The following MED8 variants were observed in gnomAD, a reference collection of about 807,000 sequenced individuals.
MED8 encodes mediator of RNA polymerase II transcription subunit 8.
MED8 carries 22 observed loss-of-function variants against 34.8 expected under a neutral mutation model. The observed-to-expected ratio is 0.63, with a 90% CI of 0.45 to 0.90. The LOEUF (loss-of-function observed/expected upper bound fraction) is 0.90, where lower values mean the gene tolerates loss of function less well. MED8 is among the 40% of genes least tolerant of loss of function. MED8 has a pLI of 0.00. For missense variants in MED8, 260 were observed against 326.3 expected, an observed-to-expected ratio of 0.80 and a Z score of 1.57; for synonymous variants, 105 against 120.2, an observed-to-expected ratio of 0.87 and a Z score of 0.83.
rs1337706318 is a variant in MED8, at chr1:43,386,271, G to A, written c.494-45C>T. The A allele has an allele frequency of 3.1e-6, 5 of 1,589,442 alleles. No individual in the cohort carries two copies. The highest frequency in any genetic ancestry group is 1.3e-5 in the African/African-American group (1 of 74,602). On this transcript the variant is annotated intron_variant, in intron 5 of 6. Transcript: ENST00000372457. The surrounding 1 kb of genome is among the most constrained non-coding windows in gnomAD (Gnocchi z 4.9). Reference sequence around the variant, plus strand: ...GATCCTGAAGTATGCTTCTGATGCAGGACTGAACGTGGCAGCTGGAAGACC... The same window carrying A: ...GATCCTGAAGTATGCTTCTGATGCAAGACTGAACGTGGCAGCTGGAAGACC...
At position 43,384,442 on chromosome 1, in the gene MED8, C is replaced by T. The variant is rs1392553968; in HGVS notation, c.*600G>A. On this transcript the variant is annotated 3_prime_UTR_variant, in exon 7 of 7. Coordinates refer to ENST00000372457, the MANE Select transcript of MED8 (RefSeq NM_201542.5). ...CTTAGAGGATGGAAAGGAGAGCAGG[C>T]CCAAGCTTCACCAGAGCTGCAGGTG... 3 of 1,589,586 alleles carry T rather than the reference C, an allele frequency of 1.9e-6. No individual in the cohort carries two copies. Among genetic ancestry groups the T allele is most frequent in the Non-Finnish European group, 2.6e-6 (3 of 1,168,082 alleles).
In MED8 at chr1:43,387,559, G is replaced by A. The variant is rs200153992; in HGVS notation, c.214C>T (p.Arg72Cys). The change falls in exon 3 of 7, where the codon CGT (arginine) becomes TGT (cysteine). Residue 72 changes from arginine to cysteine, a missense_variant. Physicochemically the swap from Arg to Cys is radical, Grantham distance 180 (BLOSUM62 -3). Coordinates refer to ENST00000372457, the MANE Select transcript of MED8 (RefSeq NM_201542.5). The stretch of plus-strand genomic sequence containing the variant: ...ACCAGAGGAATGATGACCTGGTTAC[G>A]GAACAGCGGTGTTTTTTCATGCTTC... ...VLKHEKTPLF[R>C]NQVIIPLVLS... 77 of 1,614,004 alleles carry A rather than the reference G, an allele frequency of 4.8e-5. 1 individual carries two copies. Among genetic ancestry groups the A allele is most frequent in the African/African-American group, 2.9e-4 (22 of 75,036 alleles).
In MED8 at chr1:43,384,449, T is replaced by C. The variant is rs1472405875; in HGVS notation, c.*593A>G. ...GATGGAAAGGAGAGCAGGCCCAAGC[T>C]TCACCAGAGCTGCAGGTGGGCATTT... On this transcript the variant is annotated 3_prime_UTR_variant, in exon 7 of 7. Transcript: ENST00000372457. The C allele has an allele frequency of 6.3e-7, 1 of 1,597,028 alleles. No individual in the cohort carries two copies. The highest frequency in any genetic ancestry group is 8.5e-7 in the Non-Finnish European group (1 of 1,171,776).
In MED8 at chr1:43,388,312, G is replaced by A; in HGVS notation, c.123C>T (p.Thr41=). The A allele has an allele frequency of 6.2e-7, 1 of 1,613,036 alleles. No individual in the cohort carries two copies. Among genetic ancestry groups the A allele is most frequent in the Non-Finnish European group, 8.5e-7 (1 of 1,179,874 alleles). ...TAGCTTGCCCTGGTAACTCTTACCA[G>A]GTCAGCCGGCCATACTCGTTCTCCA... ...CKLENEYGRL[T]WPSVLDSFAL... is the part of the protein sequence containing the mutation. The change falls in exon 2 of 7, where the codon ACC becomes ACT. Residue 41 remains threonine, a splice_region_variant and synonymous_variant. Transcript: ENST00000372457.
Position 43,384,699 on chromosome 1 carries a change from C to G in MED8, c.*343G>C. The stretch of plus-strand genomic sequence containing the variant: ...ATTAGGGTAAGTTCTGGATCAAGGA[C>G]TGTGGAGGGTGGTGGGGAGAAGGAT... On this transcript the variant is annotated 3_prime_UTR_variant, in exon 7 of 7. Coordinates refer to ENST00000372457, the MANE Select transcript of MED8 (RefSeq NM_201542.5). 1 of 1,449,174 alleles carries G rather than the reference C, an allele frequency of 6.9e-7. No individual in the cohort carries two copies. Among genetic ancestry groups the G allele is most frequent in the Non-Finnish European group, 9.1e-7 (1 of 1,102,612 alleles). The allele number at this position is 1,449,174 out of a possible 1,614,324, so 89.8% of individuals were successfully genotyped here.
intron 3 of MED8, 25 bp downstream of exon 3, chr1:43,387,478 A>G: frequency 6.2e-7 from 1 of 1,611,278 alleles, no homozygotes. Context: ...TAATTTCCCA[A>G]GTTGTATTCT....
At chr1:43,385,833 T>C in intron 6 of MED8, 145 bp downstream of exon 6, 1 of 1,314,680 alleles carries the variant, frequency 7.6e-7, no homozygotes, top group Non-Finnish European at 1.0e-6. Context: ...ATTTTTTTAC[T>C]TCTGAAAATT....
In MED8 at chr1:43,384,710, G is replaced by A; in HGVS notation, c.*332C>T. Reference sequence around the variant, plus strand: ...TTCTGGATCAAGGACTGTGGAGGGTGGTGGGGAGAAGGATCTGTAGAAACT... The same window carrying A: ...TTCTGGATCAAGGACTGTGGAGGGTAGTGGGGAGAAGGATCTGTAGAAACT... On this transcript the variant is annotated 3_prime_UTR_variant, in exon 7 of 7. Transcript: ENST00000372457. 1.4e-6 allele frequency: 2 copies of A among 1,442,624 alleles called. No homozygotes were observed. The highest frequency in any genetic ancestry group is 1.8e-6 in the Non-Finnish European group (2 of 1,100,046). 89.4% of individuals were successfully genotyped at this position (1,442,624 alleles called of 1,614,324 possible).
Position 43,389,799 on chromosome 1 carries a change from C to T in MED8, c.-35G>A. The T allele has an allele frequency of 6.2e-7, 1 of 1,610,102 alleles. No individual in the cohort carries two copies. Among genetic ancestry groups the T allele is most frequent in the Non-Finnish European group, 8.5e-7 (1 of 1,178,242 alleles). On this transcript the variant is annotated 5_prime_UTR_variant, in exon 1 of 7. Coordinates refer to ENST00000372457, the MANE Select transcript of MED8 (RefSeq NM_201542.5). ...CGAGGCGGCTGCCACGATTTCACTT[C>T]CGGTTTTCCAGTCAGCAAACGCCTA...
At position 43,386,475 on chromosome 1, in the gene MED8, A is replaced by T; in HGVS notation, c.493+114T>A. On this transcript the variant is annotated intron_variant, in intron 5 of 6. Coordinates refer to ENST00000372457, the MANE Select transcript of MED8 (RefSeq NM_201542.5). The surrounding 1 kb of genome is among the most constrained non-coding windows in gnomAD (Gnocchi z 4.9). ...CAAAAGGCTAACAGAATGGATACAAACCCCAAAGCAGTTCACCCTTGTGTC... is the reference window on the plus strand; with the variant it reads ...CAAAAGGCTAACAGAATGGATACAATCCCCAAAGCAGTTCACCCTTGTGTC... 2.4e-6 allele frequency: 3 copies of T among 1,234,074 alleles called. No individual in the cohort carries two copies. Among genetic ancestry groups the T allele is most frequent in the Non-Finnish European group, 3.4e-6 (3 of 875,298 alleles). The allele number at this position is 1,234,074 out of a possible 1,614,324, so 76.4% of individuals were successfully genotyped here. A position where few individuals can be genotyped will look rare whatever the true frequency, so the allele number is the denominator to read the frequency against.
At position 43,388,329 on chromosome 1, in the gene MED8, C is replaced by A; in HGVS notation, c.106G>T (p.Glu36Ter). The A allele has an allele frequency of 6.2e-7, 1 of 1,613,468 alleles. No homozygotes were observed. The highest frequency in any genetic ancestry group is 1.1e-5 in the South Asian group (1 of 91,082). Residue 36 changes from glutamate (E) to a stop codon, truncating the protein, a stop_gained, in exon 2 of 7, where the codon GAG becomes TAG. Transcript: ENST00000372457. LOFTEE classifies it high-confidence loss of function. Reference protein sequence around the residue: ...LGSFICKLENEYGRLTWPSVL... With the variant: ...LGSFICKLEN ...TCTTACCAGGTCAGCCGGCCATACTCGTTCTCCAACTTGCAAATGAAACTC... is the reference window on the plus strand; with the variant it reads ...TCTTACCAGGTCAGCCGGCCATACTAGTTCTCCAACTTGCAAATGAAACTC...
Position 43,389,750 on chromosome 1 carries a change from AACTCTCACCTGCATTGCGGCGGCCG to A in MED8, c.-11_6+8del. 6.2e-7 allele frequency: 1 copy of A among 1,607,298 alleles called. No individual in the cohort carries two copies. Among genetic ancestry groups the A allele is most frequent in the Non-Finnish European group, 8.5e-7 (1 of 1,177,204 alleles). ...TGCCAGCCGCTAGTACGCCCAACGC[AACTCTCACCTGCATTGCGGCGGCCG>A]AGGCGGCTGCCACGATTTCACTTCC... is the stretch of plus-strand genomic sequence containing the variant. On this transcript the variant is annotated splice_donor_variant and splice_donor_5th_base_variant and coding_sequence_variant and 5_prime_UTR_variant and intron_variant, in exon 1 of 7. Transcript: ENST00000372457. LOFTEE classifies it high-confidence loss of function.
chr1:43,385,046 C>A lies in MED8; in HGVS notation c.803G>T (p.Arg268Leu). Reference sequence around the variant, plus strand: ...AGTCGAGGTTGCCAGCCACACTCACCGCTGGTAGGGATGCATGGAAGCCGA... The same window carrying A: ...AGTCGAGGTTGCCAGCCACACTCACAGCTGGTAGGGATGCATGGAAGCCGA... ...IKSASMHPYQ[R>L] The change falls in exon 7 of 7, where the codon CGG (arginine) becomes CTG (leucine). Residue 268 changes from arginine to leucine, a missense_variant. Physicochemically the swap from Arg to Leu is moderately radical, Grantham distance 102. Coordinates refer to ENST00000372457, the MANE Select transcript of MED8 (RefSeq NM_201542.5). 6.4e-7 allele frequency: 1 copy of A among 1,556,446 alleles called. No homozygotes were observed.
rs1363246324 is a variant in MED8 at position 43,389,790 on chromosome 1, A to G, written c.-26T>C. The stretch of plus-strand genomic sequence containing the variant: ...TGCGGCGGCCGAGGCGGCTGCCACG[A>G]TTTCACTTCCGGTTTTCCAGTCAGC... On this transcript the variant is annotated 5_prime_UTR_variant, in exon 1 of 7. Transcript: ENST00000372457. 7.5e-6 allele frequency: 12 copies of G among 1,608,986 alleles called. No individual in the cohort carries two copies. Among genetic ancestry groups the G allele is most frequent in the Admixed American group, 1.7e-5 (1 of 59,436 alleles).
rs1403513048 is a variant in MED8 at position 43,388,296 on chromosome 1, C to G, written c.125+14G>C. ...ACCCATAAGCCCTTCCTAGCTTGCC[C>G]TGGTAACTCTTACCAGGTCAGCCGG... On this transcript the variant is annotated intron_variant, in intron 2 of 6. Coordinates refer to ENST00000372457, the MANE Select transcript of MED8 (RefSeq NM_201542.5). 2 of 1,612,446 alleles carry G rather than the reference C, an allele frequency of 1.2e-6. No homozygotes were observed. Among genetic ancestry groups the G allele is most frequent in the Non-Finnish European group, 1.7e-6 (2 of 1,179,828 alleles).
intron 3 of MED8, 114 bp downstream of exon 3, chr1:43,387,389 C>A: frequency 7.2e-7 from 1 of 1,389,380 alleles, no homozygotes; most frequent in South Asian, 1.4e-5. Context: ...GAACAAAAAG[C>A]AAGGCCTCCA....
At position 43,386,193 on chromosome 1, in the gene MED8, G is replaced by A. The variant is rs770333248; in HGVS notation, c.527C>T (p.Thr176Ile). Residue 176 changes from threonine to isoleucine, a missense_variant, in exon 6 of 7, where the codon ACA (threonine) becomes ATA (isoleucine). Physicochemically the swap from Thr to Ile is moderately conservative, Grantham distance 89. Coordinates refer to ENST00000372457, the MANE Select transcript of MED8 (RefSeq NM_201542.5). This position sits in a 1 kb window ranked among gnomAD's most constrained non-coding sequence, Gnocchi z 4.9. Reference sequence around the variant, plus strand: ...AGCTGCCACCAAGGCATTAGTGTCTGTAGGGTTAAAGGTCTGCTTGTTCGG... The same window carrying A: ...AGCTGCCACCAAGGCATTAGTGTCTATAGGGTTAAAGGTCTGCTTGTTCGG... ...LRPNKQTFNP[T>I]DTNALVAAVA... 1.9e-6 allele frequency: 3 copies of A among 1,614,000 alleles called. No individual in the cohort carries two copies. The highest frequency in any genetic ancestry group is 1.7e-6 in the Non-Finnish European group (2 of 1,179,906).
Position 43,389,768 on chromosome 1 carries a change from G to C in MED8, c.-4C>G, listed in dbSNP as rs765501940. 2.5e-6 allele frequency: 4 copies of C among 1,608,226 alleles called. No individual in the cohort carries two copies. The highest frequency in any genetic ancestry group is 3.4e-6 in the Non-Finnish European group (4 of 1,177,718). On this transcript the variant is annotated 5_prime_UTR_variant, in exon 1 of 7. Coordinates refer to ENST00000372457, the MANE Select transcript of MED8 (RefSeq NM_201542.5). ...CCAACGCAACTCTCACCTGCATTGC[G>C]GCGGCCGAGGCGGCTGCCACGATTT...
Position 43,386,584 on chromosome 1 carries a change from CA to C in MED8, c.493+4del. On this transcript the variant is annotated splice_donor_region_variant and intron_variant, in intron 5 of 6. Transcript: ENST00000372457. The surrounding 1 kb of genome is among the most constrained non-coding windows in gnomAD (Gnocchi z 4.9). Reference sequence around the variant, plus strand: ...TTCTCTGTTTAGCCACCAGTCCCATCATACCTCCACTCTCTGATTCTCGCTC... The same window carrying C: ...TTCTCTGTTTAGCCACCAGTCCCATCTACCTCCACTCTCTGATTCTCGCTC... The C allele has an allele frequency of 6.2e-7, 1 of 1,610,266 alleles. No individual in the cohort carries two copies. Among genetic ancestry groups the C allele is most frequent in the Non-Finnish European group, 8.5e-7 (1 of 1,178,102 alleles).
Sources: gnomAD v4.1 joint callset for allele counts on GRCh38, gnomAD v4.1.1 for gene constraint, Gnocchi (gnomAD v3.1) non-coding constraint, MANE v1.5 for transcripts, NCBI Gene and HGNC (gene_info 2026-07-23, HGNC 2026-07-21) for gene names.